Variants in ANKFN1 observed in about 807,000 individuals in gnomAD.
ANKFN1 encodes the protein ankyrin repeat and fibronectin type-III domain-containing protein 1.
A neutral mutation model predicts 108.7 loss-of-function variants in ANKFN1; 74 were observed. That is an observed-to-expected ratio of 0.68 (90% confidence interval 0.56 to 0.83). The LOEUF is 0.83. ANKFN1 is among the 40% of genes least tolerant of loss of function. The pLI is 0.00. For missense variants in ANKFN1, 1,505 were observed against 1,382.3 expected (o/e 1.09, Z -1.41); for synonymous variants, 547 against 516.2 (o/e 1.06, Z -0.81).
chr17:56,100,327 C>T (rs1905620046), intron 4 of ANKFN1, among the ~76,000 whole-genome samples: 1 of 152,170 alleles, frequency 6.6e-6, no homozygotes, highest in Non-Finnish European at 1.5e-5. Context: ...ATGTCTGTGC[C>T]ATTCAACTTT....
intron 10 of ANKFN1, among the ~76,000 whole-genome samples, chr17:56,446,316 C>T (rs1209838224): frequency 6.6e-6 from 1 of 152,132 alleles, no homozygotes; most frequent in Non-Finnish European, 1.5e-5. Flanking sequence ...AACACACAAC[C>T]TTGCTTATCT....
chr17:56,150,715 A>T (rs1908550655), upstream of ANKFN1, among the ~76,000 whole-genome samples: 1 of 152,022 alleles, frequency 6.6e-6, no homozygotes, highest in Non-Finnish European at 1.5e-5. Context: ...CCTTCCTGCC[A>T]CTGTAGTGTA....
chr17:56,493,873 C>T (rs184169823), intron 19 of ANKFN1, among the ~76,000 whole-genome samples: 11 of 152,242 alleles, frequency 7.2e-5, no homozygotes, highest in Middle Eastern at 3.4e-3. Flanking sequence ...GATGAACGAA[C>T]GCTGTGAACT....
intron 3 of ANKFN1, among the ~76,000 whole-genome samples, chr17:56,263,215 C>T (rs1053292420): frequency 6.6e-6 from 1 of 152,138 alleles, no homozygotes; most frequent in African/African-American, 2.4e-5. Context: ...AGCCTGGGTA[C>T]TGGATGTAAA....
At chr17:56,220,808 GA>G (rs1915796560) in intron 2 of ANKFN1, among the ~76,000 whole-genome samples, 2 of 66,902 alleles carry the variant, frequency 3.0e-5, no homozygotes, top group Admixed American at 1.7e-4. Context: ...GGGAGGGAGG[GA>G]GGAAGGAAGG....
chr17:56,485,352 A>G (rs1012222283), intron 18 of ANKFN1, among the ~76,000 whole-genome samples: 3 of 152,250 alleles, frequency 2.0e-5, no homozygotes, highest in African/African-American at 7.2e-5. Context: ...AAGAAGAAAC[A>G]TTTGAGCAGA....
chr17:56,329,909 G>T (rs76455403), intron 4 of ANKFN1, among the ~76,000 whole-genome samples: 1 of 152,120 alleles, frequency 6.6e-6, no homozygotes, highest in South Asian at 2.1e-4. Context: ...ATAGCAAGAG[G>T]GTTCTGTGTT....
intron 4 of ANKFN1, among the ~76,000 whole-genome samples, chr17:56,120,048 G>T (rs1306267184): frequency 1.3e-5 from 2 of 152,066 alleles, no homozygotes; most frequent in African/African-American, 4.8e-5. Flanking sequence ...AGCTAACTAG[G>T]TTTCCTGTTC....
intron 6 of ANKFN1, chr17:56,368,278 T>A: frequency 2.9e-6 from 1 of 345,806 alleles, no homozygotes; most frequent in Non-Finnish European, 4.1e-6. Flanking sequence ...AAAATGAACT[T>A]TTTTTTTTTT....
rs1157303765 is a variant in ANKFN1, at chr17:56,516,163, G to T, written c.*4894G>T. ...AAATTATAGTAAGTCACTCTGAGTC[G>T]CTGTATTGCCTCTTGCCTTGTGAAA... On this transcript the variant is annotated 3_prime_UTR_variant, in exon 21 of 21. Coordinates refer to ENST00000682825, the MANE Select transcript of ANKFN1 (RefSeq NM_001370326.1). Among the ~76,000 whole-genome samples the T allele has an allele frequency of 3.3e-5, 5 of 152,030 alleles. No homozygotes were observed. Among genetic ancestry groups the T allele is most frequent in the African/African-American group, 1.2e-4 (5 of 41,460 alleles).
At chr17:56,351,448 TA>T (rs11481772) in intron 5 of ANKFN1, among the ~76,000 whole-genome samples, 5 of 150,274 alleles carry the variant, frequency 3.3e-5, no homozygotes, top group African/African-American at 9.8e-5. Context: ...GGGAAAAATA[TA>T]AAAAAAAACA....
intron 3 of ANKFN1, among the ~76,000 whole-genome samples, chr17:56,277,187 G>T (rs1375821820): frequency 3.3e-5 from 5 of 152,112 alleles, no homozygotes; most frequent in Non-Finnish European, 5.9e-5. Flanking sequence ...TTCCTACAGT[G>T]TTCAATAGAA....
At chr17:56,205,666 A>G (rs1222243989) in intron 1 of ANKFN1, among the ~76,000 whole-genome samples, 1 of 152,086 alleles carries the variant, frequency 6.6e-6, no homozygotes, top group Non-Finnish European at 1.5e-5. Flanking sequence ...TTTTTTTTTC[A>G]TAGCCAATTC....
chr17:56,094,058 G>A lies in ANKFN1; in HGVS notation c.288+47733G>A, dbSNP rs576847532. On this transcript the variant is annotated intron_variant, in intron 4 of 12. Coordinates refer to the ANKFN1 transcript ENST00000635860. Reference sequence around the variant, plus strand: ...TGTGAACTCACACAGGGAGTACACCGTATGACCATAAAGGCAGAGAGCAGG... The same window carrying A: ...TGTGAACTCACACAGGGAGTACACCATATGACCATAAAGGCAGAGAGCAGG... Among the ~76,000 whole-genome samples the A allele has an allele frequency of 1.5e-4, 22 of 151,372 alleles. 3 individuals are homozygous for A. The highest frequency in any genetic ancestry group is 4.8e-4 in the African/African-American group (20 of 41,288).
intron 4 of ANKFN1, among the ~76,000 whole-genome samples, chr17:56,331,785 A>G (rs1466591068): frequency 6.6e-6 from 1 of 152,204 alleles, no homozygotes; most frequent in African/African-American, 2.4e-5. Flanking sequence ...ATGTAAAAAC[A>G]AAACTTAAGG....
At chr17:56,397,927 G>A (rs952269686) in intron 8 of ANKFN1, among the ~76,000 whole-genome samples, 10 of 152,116 alleles carry the variant, frequency 6.6e-5, no homozygotes, top group Admixed American at 1.3e-4. Context: ...AACATCTATA[G>A]AAACTTAGGT....
chr17:56,159,117 G>T (rs2143489492), intron 1 of ANKFN1, among the ~76,000 whole-genome samples: 1 of 151,762 alleles, frequency 6.6e-6, no homozygotes, highest in East Asian at 1.9e-4. Context: ...AGAAGAAGAG[G>T]AAGAAATGGG....
chr17:56,489,967 C>A (rs1568045289), intron 18 of ANKFN1, among the ~76,000 whole-genome samples: 1 of 152,170 alleles, frequency 6.6e-6, no homozygotes, highest in African/African-American at 2.4e-5. Context: ...ACAGGAAAAT[C>A]AAGCCCACAG....
Position 56,353,993 on chromosome 17 carries a change from A to G in ANKFN1, c.548A>G (p.Asn183Ser). 1 of 1,613,940 alleles carries G rather than the reference A, an allele frequency of 6.2e-7. No homozygotes were observed. Residue 183 changes from asparagine to serine, a missense_variant, in exon 6 of 21, where the codon AAT (asparagine) becomes AGT (serine). Physicochemically the swap from Asn to Ser is conservative, Grantham distance 46. Coordinates refer to ENST00000682825, the MANE Select transcript of ANKFN1 (RefSeq NM_001370326.1). The stretch of plus-strand genomic sequence containing the variant: ...CTGGATATTGCCATCATGACCAACA[A>G]TGTGCCCATTGCAAGGATTCTTCTG... Reference protein sequence around the residue: ...TPLDIAIMTNNVPIARILLRT... With the variant: ...TPLDIAIMTNSVPIARILLRT...
Sources: allele counts gnomAD v4.1 joint callset (sites outside exome capture counted in the v4.1 genomes callset), GRCh38; gene constraint gnomAD v4.1.1; transcripts MANE v1.5; gene names NCBI Gene and HGNC (gene_info 2026-07-23, HGNC 2026-07-21).